RBFOX1: variants seen among roughly 807,000 people sequenced by gnomAD.
RBFOX1 encodes RNA binding protein fox-1 homolog 1.
Under a neutral mutation model 57.7 loss-of-function variants are expected in RBFOX1, and 8 were observed. The ratio of observed to expected loss-of-function variants is 0.14; its 90% CI spans 0.08 to 0.25. The LOEUF (loss-of-function observed/expected upper bound fraction) is 0.25. Among genes scored for constraint, RBFOX1 ranks in the 10% least tolerant of loss-of-function variants. The probability of loss-of-function intolerance (pLI) is 1.00; values close to 1 mark genes in which losing one functional copy is unlikely to be tolerated. For synonymous variants in RBFOX1, 326 were observed against 222.4 expected (o/e 1.47, Z -4.15); for missense variants, 611 against 548.5 (o/e 1.11, Z -1.14).
At chr16:6,636,324 C>G (rs578010997) in intron 2 of RBFOX1, among the ~76,000 whole-genome samples, 1 of 152,202 alleles carries the variant, frequency 6.6e-6, no homozygotes, top group South Asian at 2.1e-4. Context: ...GCGCCTGCCA[C>G]CACACACGGC....
At chr16:7,095,219 C>T (rs919467579) in intron 4 of RBFOX1, among the ~76,000 whole-genome samples, 1 of 152,144 alleles carries the variant, frequency 6.6e-6, no homozygotes, top group African/African-American at 2.4e-5. Flanking sequence ...TCACTGCAAC[C>T]TCCGCCTCCC....
At chr16:6,283,345 T>G (rs1400649806) in intron 1 of RBFOX1, among the ~76,000 whole-genome samples, 1 of 152,014 alleles carries the variant, frequency 6.6e-6, no homozygotes, top group Non-Finnish European at 1.5e-5. Context: ...AACAAACAAA[T>G]AAAAATTAAA....
At chr16:7,461,982 G>C (rs1567295231) in intron 4 of RBFOX1, among the ~76,000 whole-genome samples, 1 of 152,154 alleles carries the variant, frequency 6.6e-6, no homozygotes, top group Non-Finnish European at 1.5e-5. Flanking sequence ...ATGTCAAGGA[G>C]GATTAAAGAA....
intron 3 of RBFOX1, among the ~76,000 whole-genome samples, chr16:5,799,675 G>A (rs910723242): frequency 2.6e-5 from 4 of 152,070 alleles, no homozygotes; most frequent in African/African-American, 9.7e-5. Context: ...AAGGTAGGCT[G>A]GGCCAAGCTG....
At chr16:6,865,536 G>T (rs1485355198) in intron 3 of RBFOX1, among the ~76,000 whole-genome samples, 1 of 152,044 alleles carries the variant, frequency 6.6e-6, no homozygotes, top group Non-Finnish European at 1.5e-5. Context: ...TATGCTGCAG[G>T]AATTGTATCA....
chr16:6,214,566 G>GA (rs2152860322), intron 1 of RBFOX1, among the ~76,000 whole-genome samples: 2 of 121,464 alleles, frequency 1.6e-5, no homozygotes, highest in Non-Finnish European at 3.5e-5. Context: ...GGGAGAGGGA[G>GA]GGGGGAGAGG....
intron 4 of RBFOX1, among the ~76,000 whole-genome samples, chr16:7,122,789 C>T (rs1225454451): frequency 6.6e-6 from 1 of 152,106 alleles, no homozygotes; most frequent in Non-Finnish European, 1.5e-5. Context: ...TCTACCATAG[C>T]CCCCTAGAAA....
At chr16:7,059,695 T>C (rs370083812) in intron 4 of RBFOX1, among the ~76,000 whole-genome samples, 15 of 152,182 alleles carry the variant, frequency 9.9e-5, no homozygotes, top group African/African-American at 3.6e-4. Flanking sequence ...TAAAGCATAT[T>C]GGCAGATGTG....
chr16:7,576,812 A>T (rs1393387131), intron 5 of RBFOX1, among the ~76,000 whole-genome samples: 4 of 152,206 alleles, frequency 2.6e-5, no homozygotes, highest in Admixed American at 2.0e-4. Context: ...TTCTCAGGAT[A>T]AGAAGGAGCT....
At chr16:7,159,489 C>G (rs996924887) in intron 4 of RBFOX1, among the ~76,000 whole-genome samples, 1 of 152,166 alleles carries the variant, frequency 6.6e-6, no homozygotes, top group Non-Finnish European at 1.5e-5. Context: ...ACTAAGGGGA[C>G]TAGTGATAGG....
At chr16:5,538,084 C>T (rs1198163164) in intron 2 of RBFOX1, among the ~76,000 whole-genome samples, 2 of 152,022 alleles carry the variant, frequency 1.3e-5, no homozygotes, top group Admixed American at 6.6e-5. Context: ...ATATCCTGAC[C>T]CCAAAGGCAC....
rs527461620 is a variant in RBFOX1, at chr16:5,947,271, G to A, written c.351+79936G>A. On this transcript the variant is annotated intron_variant, in intron 4 of 19. Coordinates refer to the RBFOX1 transcript ENST00000641259. The surrounding 1 kb of genome is among the most constrained non-coding windows in gnomAD (Gnocchi z 7.2). Reference sequence around the variant, plus strand: ...TAAGGCTGGAGAGCACAGTGGGTAAGGAGGAGGTGGCCAAGCTGAGGTCAG... The same window carrying A: ...TAAGGCTGGAGAGCACAGTGGGTAAAGAGGAGGTGGCCAAGCTGAGGTCAG... 2.0e-5 allele frequency among the ~76,000 whole-genome samples: 3 copies of A among 152,286 alleles called. No homozygotes were observed. The South Asian group carries it at 6.2e-4, about 32-fold the overall frequency.
chr16:6,452,117 T>G (rs1224348578), intron 2 of RBFOX1, among the ~76,000 whole-genome samples: 7 of 147,554 alleles, frequency 4.7e-5, no homozygotes, highest in Non-Finnish European at 8.9e-5. Context: ...CATCCATGGC[T>G]CCTTCCTTCC....
At position 5,362,873 on chromosome 16, in the gene RBFOX1, T is replaced by C. The variant is rs1044969964; in HGVS notation, c.220-104343T>C. On this transcript the variant is annotated intron_variant, in intron 1 of 2. Transcript: ENST00000585867. ...GTCAAATGTGGCAGGGTTTCCTTTTTTCAAGCTAAATAATGTTCCACTGTA... is the reference window on the plus strand; with the variant it reads ...GTCAAATGTGGCAGGGTTTCCTTTTCTCAAGCTAAATAATGTTCCACTGTA... Among the ~76,000 whole-genome samples, 3 of 152,300 alleles carry C rather than the reference T, an allele frequency of 2.0e-5. No homozygotes were observed. In the East Asian group the frequency reaches 5.8e-4, roughly 29 times the overall value.
intron 2 of RBFOX1, among the ~76,000 whole-genome samples, chr16:6,522,708 A>G (rs1864352209): frequency 1.3e-5 from 2 of 152,158 alleles, no homozygotes; most frequent in Admixed American, 6.5e-5. Flanking sequence ...GTGAACCATA[A>G]GAAGGGATAT....
intron 1 of RBFOX1, among the ~76,000 whole-genome samples, chr16:6,306,387 A>G (rs1375157435): frequency 1.3e-5 from 2 of 152,188 alleles, no homozygotes; most frequent in African/African-American, 2.4e-5. Flanking sequence ...GAGGGCTCTC[A>G]GTTATCGCTC....
At chr16:7,250,272 C>G (rs911102576) in intron 4 of RBFOX1, among the ~76,000 whole-genome samples, 1 of 152,190 alleles carries the variant, frequency 6.6e-6, no homozygotes, top group Non-Finnish European at 1.5e-5. Flanking sequence ...AAAAATAACA[C>G]TGAAGAGTAA....
At chr16:7,697,063 C>T (rs1362861528) in intron 14 of RBFOX1, among the ~76,000 whole-genome samples, 3 of 152,058 alleles carry the variant, frequency 2.0e-5, no homozygotes, top group African/African-American at 4.8e-5. Flanking sequence ...GATGCAGAGG[C>T]ATTGGAGGGA....
intron 4 of RBFOX1, among the ~76,000 whole-genome samples, chr16:5,892,873 G>A (rs2058078877): frequency 6.6e-6 from 1 of 152,224 alleles, no homozygotes; most frequent in Admixed American, 6.5e-5. Context: ...CAGGTGCCAT[G>A]AGAGGGGGTT....
Sources: gnomAD v4.1 joint callset for allele counts (sites outside exome capture counted in the v4.1 genomes callset) on GRCh38, gnomAD v4.1.1 for gene constraint, Gnocchi (gnomAD v3.1) non-coding constraint, MANE v1.5 for transcripts, NCBI Gene and HGNC (gene_info 2026-07-23, HGNC 2026-07-21) for gene names.